Variants in MED12L observed in about 807,000 individuals in gnomAD.
The protein encoded by MED12L is mediator of RNA polymerase II transcription subunit 12-like protein.
In MED12L, 60 loss-of-function variants were observed where a neutral mutation model predicts 281.3. The observed-to-expected ratio is 0.21, with a 90% CI of 0.17 to 0.26. The LOEUF (loss-of-function observed/expected upper bound fraction) is 0.26, where lower values mean the gene tolerates loss of function less well. MED12L is among the 10% of genes least tolerant of loss of function. MED12L has a pLI of 1.00. For missense variants in MED12L, 2,146 were observed against 2,680.9 expected, an observed-to-expected ratio of 0.80 and a Z score of 4.41; for synonymous variants, 974 against 987.2, an observed-to-expected ratio of 0.99 and a Z score of 0.25.
chr3:151,333,464 T>G (rs1560040042), intron 16 of MED12L, among the ~76,000 whole-genome samples: 1 of 152,212 alleles, frequency 6.6e-6, no homozygotes, highest in Non-Finnish European at 1.5e-5. Context: ...GATGTCTCAT[T>G]GTGGTTTTGA....
rs773145683 is a variant in MED12L at position 151,188,483 on chromosome 3, A to G, written c.1753+3A>G. 6 of 1,607,604 alleles carry G rather than the reference A, an allele frequency of 3.7e-6. No individual in the cohort carries two copies. The South Asian group carries it at 6.7e-5, about 18-fold the overall frequency. ...AGATACACAGGCCCCCTCTTTGTGTAAGTAGAGAAAACTCTTTGCCTCTAG... is the reference window on the plus strand; with the variant it reads ...AGATACACAGGCCCCCTCTTTGTGTGAGTAGAGAAAACTCTTTGCCTCTAG... On this transcript the variant is annotated splice_donor_region_variant and intron_variant, in intron 13 of 44. Coordinates refer to ENST00000687756, the MANE Select transcript of MED12L (RefSeq NM_001393769.1).
intron 16 of MED12L, among the ~76,000 whole-genome samples, chr3:151,245,973 G>A (rs1359097546): frequency 1.3e-4 from 20 of 149,750 alleles, no homozygotes; most frequent in African/African-American, 3.2e-4. Context: ...TTATACACCA[G>A]CAACAGACAA....
intron 16 of MED12L, among the ~76,000 whole-genome samples, chr3:151,235,837 C>T (rs1268006325): frequency 6.6e-6 from 1 of 152,174 alleles, no homozygotes; most frequent in Non-Finnish European, 1.5e-5. Flanking sequence ...ATGTCACCTT[C>T]TCAGCAAGGC....
chr3:151,245,247 G>C (rs1199597602), intron 16 of MED12L, among the ~76,000 whole-genome samples: 1 of 152,090 alleles, frequency 6.6e-6, no homozygotes, highest in African/African-American at 2.4e-5. Context: ...GAAAAAGAGG[G>C]AATCCTCCCT....
chr3:151,117,493 G>A (rs957931015), intron 3 of MED12L, among the ~76,000 whole-genome samples: 9 of 152,114 alleles, frequency 5.9e-5, no homozygotes, highest in African/African-American at 2.2e-4. Context: ...GCCCAGTGCT[G>A]CAGGGTATTT....
At chr3:151,304,518 C>T (rs932813358) in intron 16 of MED12L, among the ~76,000 whole-genome samples, 2 of 151,706 alleles carry the variant, frequency 1.3e-5, no homozygotes, top group Admixed American at 6.6e-5. Flanking sequence ...TGCAGTGAGC[C>T]GAGGTCATGC....
chr3:151,410,724 A>G (rs149688863), intron 40 of MED12L, among the ~76,000 whole-genome samples: 206 of 152,314 alleles, frequency 1.4e-3, no homozygotes, highest in African/African-American at 4.5e-3. Context: ...TACCAATTGC[A>G]CCATTCCTGG....
rs150057242 is a variant in MED12L at position 151,406,359 on chromosome 3, C to T, written c.5821-2884C>T. Reference sequence around the variant, plus strand: ...TTTCTACAAATTGAAATAATGTGTTCCTGACATTATTCTTGGAAAAACAAA... The same window carrying T: ...TTTCTACAAATTGAAATAATGTGTTTCTGACATTATTCTTGGAAAAACAAA... On this transcript the variant is annotated intron_variant, in intron 39 of 44. Coordinates refer to ENST00000687756, the MANE Select transcript of MED12L (RefSeq NM_001393769.1). Among the ~76,000 whole-genome samples the T allele has an allele frequency of 3.0e-3, 455 of 152,250 alleles. 2 individuals carry two copies. Among genetic ancestry groups the T allele is most frequent in the African/African-American group, 0.011 (443 of 41,520 alleles).
chr3:151,369,266 G>A lies in MED12L; in HGVS notation c.3551-170G>A, dbSNP rs577420898. ...TTAATAAATAAAAAGAAAAGGATAA[G>A]TGAGGAATACTGGCCATGTTTCTTA... is the stretch of plus-strand genomic sequence containing the variant. On this transcript the variant is annotated intron_variant, in intron 25 of 44. Transcript: ENST00000687756. Among the ~76,000 whole-genome samples, 10 of 152,250 alleles carry A rather than the reference G, an allele frequency of 6.6e-5. No individual in the cohort carries two copies. The South Asian group carries it at 1.9e-3, about 28-fold the overall frequency.
At chr3:151,120,946 A>G (rs544753393) in intron 3 of MED12L, among the ~76,000 whole-genome samples, 2 of 152,358 alleles carry the variant, frequency 1.3e-5, no homozygotes, top group Admixed American at 6.5e-5. Flanking sequence ...ATACATAAAC[A>G]TGCAGTCACT....
chr3:151,267,918 A>G (rs531470868), intron 16 of MED12L, among the ~76,000 whole-genome samples: 11 of 152,314 alleles, frequency 7.2e-5, no homozygotes, highest in Non-Finnish European at 1.3e-4. Context: ...AGAGTATTTT[A>G]TCAGTTGCTA....
Position 151,239,281 on chromosome 3 carries a change from T to C in MED12L, c.2250+45615T>C, listed in dbSNP as rs575587746. On this transcript the variant is annotated intron_variant, in intron 16 of 44. Transcript: ENST00000687756. ...TTCAGTGTTACAAAGTATAAAATAT[T>C]CATTGACATGGTTTTAGATCCAATA... is the stretch of plus-strand genomic sequence containing the variant. 3.9e-5 allele frequency among the ~76,000 whole-genome samples: 6 copies of C among 152,360 alleles called. No individual in the cohort carries two copies. The East Asian group carries it at 1.2e-3, about 29-fold the overall frequency.
chr3:151,430,239 T>A, intron 43 of MED12L, 60 bp from the exon 44 acceptor site: 1 of 1,609,624 alleles, frequency 6.2e-7, no homozygotes, highest in Non-Finnish European at 8.5e-7. Flanking sequence ...TTAGTCTCTG[T>A]TCTTGTCTGT....
chr3:151,338,586 A>G, intron 16 of MED12L: 3 of 1,614,096 alleles, frequency 1.9e-6, no homozygotes, highest in Non-Finnish European at 2.5e-6. Flanking sequence ...TCCTGTTCCC[A>G]GTTTGGCATC....
chr3:151,275,346 G>A (rs1199391398), intron 16 of MED12L, among the ~76,000 whole-genome samples: 2 of 151,776 alleles, frequency 1.3e-5, no homozygotes, highest in Non-Finnish European at 2.9e-5. Context: ...GTAGAAGCCA[G>A]CACCCGTCCC....
chr3:151,338,289 C>T (rs761286961), intron 16 of MED12L: 1 of 1,613,880 alleles, frequency 6.2e-7, no homozygotes, highest in African/African-American at 1.3e-5. Context: ...TATTTCATGC[C>T]AGACTAGACC....
At chr3:151,264,372 T>C (rs1739447841) in intron 16 of MED12L, among the ~76,000 whole-genome samples, 1 of 152,354 alleles carries the variant, frequency 6.6e-6, no homozygotes. Flanking sequence ...ACTGAACTCT[T>C]CTCACGAGGG....
In MED12L at chr3:151,376,893, C is replaced by G; in HGVS notation, c.4128+19C>G. The G allele has an allele frequency of 6.2e-7, 1 of 1,613,130 alleles. No individual in the cohort carries two copies. The highest frequency in any genetic ancestry group is 8.5e-7 in the Non-Finnish European group (1 of 1,179,290). ...GGACCCTGTGAGTTTATATTGAAAGCTTATCTCTGTATGAAATTTTATAAA... is the reference window on the plus strand; with the variant it reads ...GGACCCTGTGAGTTTATATTGAAAGGTTATCTCTGTATGAAATTTTATAAA... On this transcript the variant is annotated intron_variant, in intron 29 of 44. Coordinates refer to ENST00000687756, the MANE Select transcript of MED12L (RefSeq NM_001393769.1).
intron 16 of MED12L, among the ~76,000 whole-genome samples, chr3:151,345,991 T>G (rs1752488941): frequency 6.6e-6 from 1 of 152,196 alleles, no homozygotes; most frequent in African/African-American, 2.4e-5. Context: ...ACACCCCTTA[T>G]AGAGGTTGAG....
Sources: allele counts gnomAD v4.1 joint callset (sites outside exome capture counted in the v4.1 genomes callset), GRCh38; gene constraint gnomAD v4.1.1; transcripts MANE v1.5; gene names NCBI Gene and HGNC (gene_info 2026-07-23, HGNC 2026-07-21).